The following CBFA2T3 variants were observed in gnomAD, a reference collection of about 807,000 sequenced individuals.
The protein encoded by CBFA2T3 is transcriptional corepressor CBFA2T3.
Under a neutral mutation model 58.6 loss-of-function variants are expected in CBFA2T3, and 31 were observed. That is an observed-to-expected ratio of 0.53 (90% CI 0.40 to 0.71). The LOEUF (loss-of-function observed/expected upper bound fraction) is 0.71, where lower values mean the gene tolerates loss of function less well. Among genes scored for constraint, CBFA2T3 ranks in the 30% least tolerant of loss-of-function variants. The pLI, the probability that CBFA2T3 is intolerant of heterozygous loss-of-function variation, is 0.00. For missense variants in CBFA2T3, 1,076 were observed against 963.1 expected, an observed-to-expected ratio of 1.12 and a Z score of -1.55; for synonymous variants, 531 against 421.9, an observed-to-expected ratio of 1.26 and a Z score of -3.17.
intron 1 of CBFA2T3, among the ~76,000 whole-genome samples, chr16:88,969,137 G>C (rs1972585701): frequency 6.6e-6 from 1 of 152,202 alleles, no homozygotes; most frequent in African/African-American, 2.4e-5. Flanking sequence ...CTGCAGCCTG[G>C]CCCGGATGCC....
chr16:88,956,574 G>A (rs1278207713), intron 1 of CBFA2T3, among the ~76,000 whole-genome samples: 1 of 152,248 alleles, frequency 6.6e-6, no homozygotes, highest in African/African-American at 2.4e-5. Context: ...GGCCCAGAAA[G>A]CATTTGTCTA....
intron 1 of CBFA2T3, among the ~76,000 whole-genome samples, chr16:88,973,618 C>T (rs187717309): frequency 2.6e-5 from 4 of 151,102 alleles, no homozygotes; most frequent in South Asian, 2.1e-4. Flanking sequence ...CAGAACATTC[C>T]GGACCCAGAA....
intron 1 of CBFA2T3, among the ~76,000 whole-genome samples, chr16:88,932,173 T>C (rs1673933): frequency 0.051 from 6,022 of 117,182 alleles, 525 homozygotes; most frequent in African/African-American, 0.18. Context: ...ACACGGCCCC[T>C]GCTTCCCCCT....
chr16:88,909,278 G>A (rs977229990), intron 1 of CBFA2T3, among the ~76,000 whole-genome samples: 9 of 152,240 alleles, frequency 5.9e-5, no homozygotes, highest in Non-Finnish European at 7.3e-5. Flanking sequence ...ACAGTGCTGT[G>A]CCTCAGTTGG....
intron 1 of CBFA2T3, chr16:88,938,459 A>G (rs936602686): frequency 4.6e-5 from 7 of 152,412 alleles, no homozygotes; most frequent in African/African-American, 1.7e-4. Flanking sequence ...CCGGCGTCGG[A>G]GACGGGGAAC....
intron 7 of CBFA2T3, among the ~76,000 whole-genome samples, chr16:88,882,986 C>G (rs1160827379): frequency 6.6e-6 from 1 of 152,256 alleles, no homozygotes; most frequent in African/African-American, 2.4e-5. Flanking sequence ...CAACACGGCA[C>G]ACGCCTCCAA....
At chr16:88,881,143 G>T in intron 9 of CBFA2T3, 148 bp downstream of exon 9, 1 of 800,948 alleles carries the variant, frequency 1.2e-6, no homozygotes, top group Non-Finnish European at 2.1e-6. Flanking sequence ...ACCAGCCCGT[G>T]TTTTCCTACA....
chr16:88,949,286 C>T (rs1311836799), intron 1 of CBFA2T3, among the ~76,000 whole-genome samples: 6 of 152,162 alleles, frequency 3.9e-5, no homozygotes, highest in South Asian at 4.1e-4. Flanking sequence ...AGGCCGGGCG[C>T]GGCGCCTCAC....
At chr16:88,915,274 G>C (rs1469774435) in intron 1 of CBFA2T3, among the ~76,000 whole-genome samples, 1 of 124,928 alleles carries the variant, frequency 8.0e-6, no homozygotes, top group Non-Finnish European at 1.7e-5. Flanking sequence ...TGGGTCGCGG[G>C]GTGGGGAAAC....
chr16:88,914,127 C>T (rs1245642240), intron 1 of CBFA2T3, among the ~76,000 whole-genome samples: 1 of 152,248 alleles, frequency 6.6e-6, no homozygotes, highest in Non-Finnish European at 1.5e-5. Flanking sequence ...CACGGTCTCA[C>T]AAATGTACAG....
At chr16:88,949,751 C>T (rs1194674252) in intron 1 of CBFA2T3, among the ~76,000 whole-genome samples, 1 of 152,024 alleles carries the variant, frequency 6.6e-6, no homozygotes, top group African/African-American at 2.4e-5. Flanking sequence ...TAGCTCACGC[C>T]TGTAATCCCA....
chr16:88,939,015 G>A (rs901349227), intron 1 of CBFA2T3: 1 of 152,222 alleles, frequency 6.6e-6, no homozygotes, highest in Non-Finnish European at 1.5e-5. Flanking sequence ...AGCCCTGAGG[G>A]CTGGGATCTT....
At chr16:88,975,163 GA>G (rs1972797896) in intron 1 of CBFA2T3, among the ~76,000 whole-genome samples, 1 of 134,278 alleles carries the variant, frequency 7.4e-6, no homozygotes. Context: ...GGTCCACCCT[GA>G]CCCTCTCTGC....
intron 1 of CBFA2T3, among the ~76,000 whole-genome samples, chr16:88,914,057 C>T (rs1970610717): frequency 6.6e-6 from 1 of 152,228 alleles, no homozygotes; most frequent in Non-Finnish European, 1.5e-5. Flanking sequence ...GCAGCACGGC[C>T]ATACAATGGA....
At chr16:88,879,539 A>C in intron 10 of CBFA2T3, 79 bp from the exon 11 acceptor site, 1 of 1,318,510 alleles carries the variant, frequency 7.6e-7, no homozygotes, top group Non-Finnish European at 1.1e-6. Context: ...CGTGGCCACA[A>C]CCTGGGGACA....
intron 3 of CBFA2T3, among the ~76,000 whole-genome samples, 170 bp from the exon 4 acceptor site, chr16:88,892,655 C>T (rs879528043): frequency 4.6e-5 from 7 of 152,276 alleles, no homozygotes; most frequent in South Asian, 4.1e-4. Context: ...GCCCTGGGCC[C>T]GCCCAGGGCA....
At chr16:88,946,565 C>T (rs1414890995) in intron 1 of CBFA2T3, among the ~76,000 whole-genome samples, 1 of 151,986 alleles carries the variant, frequency 6.6e-6, no homozygotes, top group Non-Finnish European at 1.5e-5. Flanking sequence ...TCACTGCAAC[C>T]TCTGCCTCCC....
chr16:88,944,533 G>T (rs1296746867), intron 1 of CBFA2T3, among the ~76,000 whole-genome samples: 1 of 152,094 alleles, frequency 6.6e-6, no homozygotes, highest in African/African-American at 2.4e-5. Flanking sequence ...TGCTGGGTGT[G>T]CCTCTGAGGC....
At chr16:88,941,523 G>A (rs1369482557) in intron 1 of CBFA2T3, among the ~76,000 whole-genome samples, 2 of 148,650 alleles carry the variant, frequency 1.3e-5, no homozygotes, top group African/African-American at 2.4e-5. Flanking sequence ...CTCCGCCACC[G>A]GGGCGGCGCC....
Sources: gnomAD v4.1 joint callset for allele counts (sites outside exome capture counted in the v4.1 genomes callset) on GRCh38, gnomAD v4.1.1 for gene constraint, MANE v1.5 for transcripts, NCBI Gene and HGNC (gene_info 2026-07-23, HGNC 2026-07-21) for gene names.